Variants in FAM117B observed in about 807,000 individuals in gnomAD.
FAM117B encodes family with sequence similarity 117 member B.
In FAM117B, 22 loss-of-function variants were observed where a neutral mutation model predicts 52.8. The observed-to-expected ratio is 0.42, with a 90% CI of 0.30 to 0.59. The LOEUF (loss-of-function observed/expected upper bound fraction) is 0.59, where lower values mean the gene tolerates loss of function less well. FAM117B is among the 20% of genes least tolerant of loss of function. The pLI is 0.22. For missense variants in FAM117B, 678 were observed against 802.6 expected, an observed-to-expected ratio of 0.84 and a Z score of 1.88; for synonymous variants, 309 against 324.1, an observed-to-expected ratio of 0.95 and a Z score of 0.50.
intron 4 of FAM117B, among the ~76,000 whole-genome samples, chr2:202,731,682 G>T (rs562699640): frequency 6.6e-6 from 1 of 151,506 alleles, no homozygotes; most frequent in African/African-American, 2.4e-5. Flanking sequence ...CTCCTGCCTC[G>T]GTCTTCCCAA....
intron 4 of FAM117B, 99 bp from the exon 5 acceptor site, chr2:202,755,439 G>C (rs1691786612): frequency 6.9e-7 from 1 of 1,444,526 alleles, no homozygotes. Context: ...TGTAAACTTT[G>C]ATTTATTTTT....
At chr2:202,691,698 T>TGTGTGTGTGTGTGTGC (rs1476079292) in intron 1 of FAM117B, among the ~76,000 whole-genome samples, 11 of 131,162 alleles carry the variant, frequency 8.4e-5, no homozygotes, top group East Asian at 4.3e-4. Flanking sequence ...TGTGTGTGTG[T>TGTGTGTGTGTGTGTGC]GCGCGCGCGC....
intron 1 of FAM117B, among the ~76,000 whole-genome samples, chr2:202,652,044 ACT>A (rs1689965948): frequency 6.9e-6 from 1 of 145,878 alleles, no homozygotes; most frequent in Non-Finnish European, 1.5e-5. Flanking sequence ...CAAAAGTGAA[ACT>A]CTGTCTAAAA....
chr2:202,668,241 A>G (rs908655181), intron 1 of FAM117B, among the ~76,000 whole-genome samples: 18 of 145,444 alleles, frequency 1.2e-4, no homozygotes, highest in South Asian at 2.1e-4. Flanking sequence ...ATTAATATTT[A>G]TATATTTAGA....
At chr2:202,711,299 T>C (rs886962099) in intron 2 of FAM117B, among the ~76,000 whole-genome samples, 1 of 152,216 alleles carries the variant, frequency 6.6e-6, no homozygotes, top group Admixed American at 6.5e-5. Flanking sequence ...TTTGTGTTTT[T>C]CTGATGAACA....
At chr2:202,639,713 C>G (rs959117325) in intron 1 of FAM117B, among the ~76,000 whole-genome samples, 4 of 152,118 alleles carry the variant, frequency 2.6e-5, no homozygotes, top group Non-Finnish European at 5.9e-5. Flanking sequence ...GTGAAATCTA[C>G]TTCATATGAT....
chr2:202,700,260 G>T (rs996333028), intron 2 of FAM117B, among the ~76,000 whole-genome samples: 6 of 152,004 alleles, frequency 3.9e-5, no homozygotes, highest in African/African-American at 1.5e-4. Context: ...CCAAAAGCTA[G>T]GCCTCTTGTA....
chr2:202,690,990 T>A (rs1433865472), intron 1 of FAM117B, among the ~76,000 whole-genome samples: 2 of 152,198 alleles, frequency 1.3e-5, no homozygotes, highest in Non-Finnish European at 2.9e-5. Context: ...TCTTTTTAAT[T>A]TCTAGGGCTT....
At chr2:202,757,489 T>A (rs1167472447) in intron 6 of FAM117B, 51 bp downstream of exon 6, 1 of 1,519,942 alleles carries the variant, frequency 6.6e-7, no homozygotes, top group South Asian at 1.1e-5. Context: ...TACCTCCTCT[T>A]GTATCATTCA....
intron 1 of FAM117B, among the ~76,000 whole-genome samples, chr2:202,637,894 T>A (rs1481007450): frequency 1.4e-5 from 2 of 141,050 alleles, no homozygotes; most frequent in Non-Finnish European, 3.2e-5. Context: ...TTTTTTTTTT[T>A]AAGATGGAGT....
chr2:202,664,670 G>A lies in FAM117B; in HGVS notation c.601+28882G>A, dbSNP rs577858719. On this transcript the variant is annotated intron_variant, in intron 1 of 7. Transcript: ENST00000392238. The stretch of plus-strand genomic sequence containing the variant: ...TTGAGTCCTGTTTAAAATTTTGATA[G>A]TTCGTTATCATGCATGACTTACCTT... Among the ~76,000 whole-genome samples, 11 of 152,238 alleles carry A rather than the reference G, an allele frequency of 7.2e-5. No individual in the cohort carries two copies. The South Asian group carries it at 2.3e-3, about 32-fold the overall frequency.
rs1281091184 is a variant in FAM117B, at chr2:202,640,297, T to A, written c.601+4509T>A. Among the ~76,000 whole-genome samples the A allele has an allele frequency of 3.0e-4, 5 of 16,600 alleles. No homozygotes were observed. In the East Asian group the frequency reaches 5.2e-3, roughly 17 times the overall value. 10.9% of individuals were successfully genotyped at this position (16,600 alleles called of 152,430 possible). On this transcript the variant is annotated intron_variant, in intron 1 of 7. Transcript: ENST00000392238. ...AACAACCACCACCACCACCACAAAA[T>A]ATATATATATATATATATATATATA...
At chr2:202,652,534 A>C (rs1287243950) in intron 1 of FAM117B, among the ~76,000 whole-genome samples, 1 of 152,218 alleles carries the variant, frequency 6.6e-6, no homozygotes, top group African/African-American at 2.4e-5. Flanking sequence ...TAACAGTACA[A>C]AGAAGAACAT....
intron 1 of FAM117B, among the ~76,000 whole-genome samples, chr2:202,664,107 A>T (rs1353260898): frequency 6.6e-6 from 1 of 152,264 alleles, no homozygotes; most frequent in Non-Finnish European, 1.5e-5. Flanking sequence ...ATTCCAGTTC[A>T]TTTATATACT....
chr2:202,709,352 G>A (rs976484212), intron 2 of FAM117B, among the ~76,000 whole-genome samples: 10 of 151,942 alleles, frequency 6.6e-5, no homozygotes, highest in South Asian at 2.1e-4. Context: ...ACAGGCACCC[G>A]CCATCACGCC....
intron 1 of FAM117B, among the ~76,000 whole-genome samples, chr2:202,660,301 G>C (rs1237686627): frequency 6.6e-6 from 1 of 151,968 alleles, no homozygotes; most frequent in Non-Finnish European, 1.5e-5. Context: ...ACCTGGAAAT[G>C]TTGAGTTTTT....
chr2:202,745,053 A>G (rs536095935), intron 4 of FAM117B, among the ~76,000 whole-genome samples: 1 of 107,888 alleles, frequency 9.3e-6, no homozygotes, highest in East Asian at 2.2e-4. Context: ...AGGCTGAGGC[A>G]GGCAGATCTT....
At chr2:202,655,535 T>A (rs1462206840) in intron 1 of FAM117B, among the ~76,000 whole-genome samples, 1 of 152,104 alleles carries the variant, frequency 6.6e-6, no homozygotes, top group East Asian at 1.9e-4. Flanking sequence ...TTATAATGCC[T>A]TTGCTTGGTT....
chr2:202,744,812 A>G lies in FAM117B; in HGVS notation c.961-10726A>G, dbSNP rs182795452. On this transcript the variant is annotated intron_variant, in intron 4 of 7. Coordinates refer to ENST00000392238, the MANE Select transcript of FAM117B (RefSeq NM_173511.4). Reference sequence around the variant, plus strand: ...AACATGGCAAAACCCCATCTCTACTAAAAATACAAAAAAAATTAGCTGGGC... The same window carrying G: ...AACATGGCAAAACCCCATCTCTACTGAAAATACAAAAAAAATTAGCTGGGC... Among the ~76,000 whole-genome samples the G allele has an allele frequency of 3.3e-5, 5 of 151,498 alleles. No individual in the cohort carries two copies. The East Asian group carries it at 9.7e-4, about 29-fold the overall frequency.
Sources: gnomAD v4.1 joint callset for allele counts (sites outside exome capture counted in the v4.1 genomes callset) on GRCh38, gnomAD v4.1.1 for gene constraint, MANE v1.5 for transcripts, NCBI Gene and HGNC (gene_info 2026-07-23, HGNC 2026-07-21) for gene names.